SMG6: variants seen among roughly 807,000 people sequenced by gnomAD.
The protein encoded by SMG6 is SMG6 nonsense mediated mRNA decay factor.
SMG6 carries 66 observed loss-of-function variants against 142.2 expected under a neutral mutation model. The ratio of observed to expected loss-of-function variants is 0.46; its 90% confidence interval spans 0.38 to 0.57. The LOEUF (loss-of-function observed/expected upper bound fraction) is 0.57, where lower values mean the gene tolerates loss of function less well. Ranked by LOEUF, SMG6 falls within the 20% of genes least tolerant of loss-of-function variation. The pLI, the probability that SMG6 is intolerant of heterozygous loss-of-function variation, is 0.00. For missense variants in SMG6, 1,793 were observed against 1,832.0 expected, an observed-to-expected ratio of 0.98 and a Z score of 0.39; for synonymous variants, 779 against 702.4, an observed-to-expected ratio of 1.11 and a Z score of -1.72.
intron 13 of SMG6, among the ~76,000 whole-genome samples, chr17:2,131,720 A>G (rs1175165402): frequency 6.6e-6 from 1 of 152,228 alleles, no homozygotes; most frequent in Non-Finnish European, 1.5e-5. Context: ...TGGGTGATCC[A>G]CAATGCACAT....
At chr17:2,236,681 AGT>A in intron 9 of SMG6, 44 bp from the exon 10 acceptor site, 1 of 1,535,792 alleles carries the variant, frequency 6.5e-7, no homozygotes, top group South Asian at 1.2e-5. Context: ...TCTCTCTTTC[AGT>A]CTCTCTCTCA....
intron 13 of SMG6, among the ~76,000 whole-genome samples, chr17:2,134,632 A>G (rs2070234060): frequency 6.6e-6 from 1 of 152,116 alleles, no homozygotes; most frequent in Admixed American, 6.6e-5. Flanking sequence ...GAGGCTGTTT[A>G]TAAGAGTAGA....
intron 8 of SMG6, among the ~76,000 whole-genome samples, chr17:2,254,801 C>T (rs1597719138): frequency 6.6e-6 from 1 of 152,114 alleles, no homozygotes; most frequent in East Asian, 1.9e-4. Context: ...ATAATCCTTC[C>T]TCTATGGGTA....
At chr17:2,112,568 T>A (rs372069463) in intron 13 of SMG6, among the ~76,000 whole-genome samples, 7 of 128,456 alleles carry the variant, frequency 5.4e-5, no homozygotes, top group East Asian at 4.7e-4. Context: ...AATAAATAAA[T>A]AAAAGGCAAT....
intron 8 of SMG6, among the ~76,000 whole-genome samples, chr17:2,275,237 C>T (rs944146098): frequency 6.6e-6 from 1 of 152,074 alleles, no homozygotes; most frequent in Admixed American, 6.6e-5. Flanking sequence ...GCCTGGCCAA[C>T]ATGGTGAAAC....
chr17:2,203,720 C>T (rs982287674), intron 10 of SMG6, among the ~76,000 whole-genome samples: 4 of 152,060 alleles, frequency 2.6e-5, no homozygotes, highest in Admixed American at 6.6e-5. Flanking sequence ...AGAAATATAG[C>T]TATATCACTT....
At chr17:2,211,761 A>C (rs915781832) in intron 10 of SMG6, among the ~76,000 whole-genome samples, 2 of 152,142 alleles carry the variant, frequency 1.3e-5, no homozygotes, top group Non-Finnish European at 2.9e-5. Context: ...CATAGAAGGA[A>C]TATACATTCT....
chr17:2,109,277 T>G (rs2069242236), intron 13 of SMG6, among the ~76,000 whole-genome samples: 1 of 152,182 alleles, frequency 6.6e-6, no homozygotes, highest in Non-Finnish European at 1.5e-5. Flanking sequence ...TCTCTTTTTT[T>G]TTTTGAGATG....
Position 2,085,936 on chromosome 17 carries a change from T to C in SMG6, c.3358-35A>G. ...GAGAGGGAGAGAAGAAAAACAGCAT[T>C]TTCTGAAAGGGAAGATGGAGACGAG... On this transcript the variant is annotated intron_variant, in intron 13 of 18. Coordinates refer to ENST00000263073, the MANE Select transcript of SMG6 (RefSeq NM_017575.5). This position sits in a 1 kb window ranked among gnomAD's most constrained non-coding sequence, Gnocchi z 4.1. 1 of 1,605,036 alleles carries C rather than the reference T, an allele frequency of 6.2e-7. No individual in the cohort carries two copies.
chr17:2,279,750 A>G (rs1485921814), intron 8 of SMG6, among the ~76,000 whole-genome samples: 2 of 152,214 alleles, frequency 1.3e-5, no homozygotes, highest in Non-Finnish European at 2.9e-5. Context: ...GCACGACTCC[A>G]GTCGCTCACA....
At chr17:2,172,336 G>A (rs2071530151) in intron 13 of SMG6, among the ~76,000 whole-genome samples, 1 of 152,038 alleles carries the variant, frequency 6.6e-6, no homozygotes, top group South Asian at 2.1e-4. Flanking sequence ...GGAGAAAGGA[G>A]GGTGCTTTAA....
rs565395605 is a variant in SMG6 at position 2,191,972 on chromosome 17, T to C, written c.2870-3457A>G. ...GAAACACAACACACTGCCCTTGTTA[T>C]TGTAACTGTCAGAGAAGTGCTTAAA... On this transcript the variant is annotated intron_variant, in intron 10 of 18. Coordinates refer to ENST00000263073, the MANE Select transcript of SMG6 (RefSeq NM_017575.5). Among the ~76,000 whole-genome samples, 9 of 152,350 alleles carry C rather than the reference T, an allele frequency of 5.9e-5. No homozygotes were observed. In the East Asian group the frequency reaches 9.6e-4, roughly 16 times the overall value.
In SMG6 at chr17:2,099,564, G is replaced by T. The variant is rs557119044; in HGVS notation, c.3358-13663C>A. Among the ~76,000 whole-genome samples, 20 of 152,196 alleles carry T rather than the reference G, an allele frequency of 1.3e-4. No individual in the cohort carries two copies. The South Asian group carries it at 4.2e-3, about 32-fold the overall frequency. ...AATGTAGTATGCAGACATTCTCTGA[G>T]ATTTGGGCTGAGGTAGAAAGCCATT... On this transcript the variant is annotated intron_variant, in intron 13 of 18. Transcript: ENST00000263073.
intron 13 of SMG6, chr17:2,088,235 TAAGA>T (rs2068619251): frequency 3.0e-6 from 3 of 985,232 alleles, no homozygotes; most frequent in East Asian, 2.3e-4. Context: ...GCTGCGTGGC[TAAGA>T]AAGCATGGTT....
intron 11 of SMG6, 25 bp from the exon 12 acceptor site, chr17:2,186,856 G>T (rs368925672): frequency 1.2e-6 from 2 of 1,611,504 alleles, no homozygotes; most frequent in East Asian, 4.5e-5. Context: ...GGTGAGAACT[G>T]GGCCTATGTC....
At chr17:2,276,291 C>T (rs1048622612) in intron 8 of SMG6, among the ~76,000 whole-genome samples, 2 of 152,170 alleles carry the variant, frequency 1.3e-5, no homozygotes, top group African/African-American at 4.8e-5. Context: ...ACAAAGCATA[C>T]ACACGCACAC....
intron 13 of SMG6, among the ~76,000 whole-genome samples, chr17:2,139,050 G>A (rs945424263): frequency 9.9e-5 from 15 of 152,174 alleles, no homozygotes; most frequent in Non-Finnish European, 2.2e-4. Context: ...AAGGCCAGCA[G>A]AACAAGCCAG....
intron 13 of SMG6, among the ~76,000 whole-genome samples, chr17:2,147,234 A>G (rs1469436332): frequency 6.6e-6 from 1 of 152,126 alleles, no homozygotes; most frequent in Non-Finnish European, 1.5e-5. Flanking sequence ...CTCTACTAAA[A>G]ATACAAAAAT....
At chr17:2,177,127 G>C (rs534031532) in intron 12 of SMG6, among the ~76,000 whole-genome samples, 3 of 152,290 alleles carry the variant, frequency 2.0e-5, no homozygotes, top group East Asian at 1.9e-4. Flanking sequence ...AATAGCTGTA[G>C]AAAGGCAGCT....
Sources: allele counts gnomAD v4.1 joint callset (sites outside exome capture counted in the v4.1 genomes callset), GRCh38; gene constraint gnomAD v4.1.1; non-coding constraint Gnocchi (gnomAD v3.1); transcripts MANE v1.5; gene names NCBI Gene and HGNC (gene_info 2026-07-23, HGNC 2026-07-21).